ARAP2: variants seen among roughly 807,000 people sequenced by gnomAD.
ARAP2 encodes arf-GAP with Rho-GAP domain, ANK repeat and PH domain-containing protein 2.
In ARAP2, 148 loss-of-function variants were observed where a neutral mutation model predicts 194.5. The ratio of observed to expected loss-of-function variants is 0.76; its 90% confidence interval spans 0.67 to 0.87. ARAP2 has a LOEUF of 0.87. Ranked by LOEUF, ARAP2 falls within the 40% of genes least tolerant of loss-of-function variation. The probability of loss-of-function intolerance (pLI) is 0.00; values close to 1 mark genes in which losing one functional copy is unlikely to be tolerated. For synonymous variants in ARAP2, 695 were observed against 683.5 expected (o/e 1.02, Z -0.26); for missense variants, 2,128 against 1,989.7 (o/e 1.07, Z -1.32).
intron 3 of ARAP2, among the ~76,000 whole-genome samples, chr4:36,050,649 A>G (rs192029174): frequency 6.7e-4 from 102 of 152,292 alleles, no homozygotes; most frequent in African/African-American, 2.4e-3. Context: ...TTTCTAGAAG[A>G]TCACACAAAA....
chr4:36,014,329 A>AAG (rs1715330416), intron 8 of ARAP2, among the ~76,000 whole-genome samples: 1 of 41,460 alleles, frequency 2.4e-5, no homozygotes, highest in Non-Finnish European at 5.6e-5. Context: ...AAAGAGAGAA[A>AAG]GAAAGAAAGA....
At chr4:36,114,856 A>G (rs1720953921) in intron 25 of ARAP2, among the ~76,000 whole-genome samples, 1 of 152,006 alleles carries the variant, frequency 6.6e-6, no homozygotes, top group Admixed American at 6.6e-5. Flanking sequence ...GGTCGGTTCT[A>G]CGAAAGTCCC....
intron 3 of ARAP2, among the ~76,000 whole-genome samples, chr4:36,050,696 C>A (rs890082742): frequency 3.9e-5 from 6 of 152,138 alleles, no homozygotes; most frequent in Non-Finnish European, 7.4e-5. Context: ...AAGTGGAATA[C>A]CATAAAATGG....
chr4:36,210,293 G>C, intron 6 of ARAP2, 97 bp downstream of exon 6: 1 of 1,097,306 alleles, frequency 9.1e-7, no homozygotes, highest in Non-Finnish European at 1.3e-6. Flanking sequence ...TGTGTGTGGC[G>C]GTGGAGTGGG....
chr4:36,163,785 C>T (rs1424951398), intron 11 of ARAP2, among the ~76,000 whole-genome samples: 2 of 152,104 alleles, frequency 1.3e-5, no homozygotes, highest in African/African-American at 4.8e-5. Flanking sequence ...AAAAAAACAG[C>T]TGTGAACAGC....
chr4:36,164,951 G>A lies in ARAP2; in HGVS notation c.2136C>T (p.Ser712=), dbSNP rs1734931067. 2 of 1,613,942 alleles carry A rather than the reference G, an allele frequency of 1.2e-6. No homozygotes were observed. The highest frequency in any genetic ancestry group is 1.3e-5 in the African/African-American group (1 of 74,934). ...TACAGATGACAACACAGAGATTGATGGATGCCCAGTCAGGATCTGGGGCTT... is the reference window on the plus strand; with the variant it reads ...TACAGATGACAACACAGAGATTGATAGATGCCCAGTCAGGATCTGGGGCTT... The part of the protein sequence containing the change: ...DCKAPDPDWA[S]INLCVVICKK... Residue 712 remains serine (S), a synonymous_variant, in exon 11 of 33, where the codon TCC becomes TCT. Coordinates refer to ENST00000303965, the MANE Select transcript of ARAP2 (RefSeq NM_015230.4).
chr4:36,177,786 A>C (rs746999269), intron 9 of ARAP2, 41 bp downstream of exon 9: 17 of 1,507,760 alleles, frequency 1.1e-5, no homozygotes, highest in Non-Finnish European at 6.2e-6. Flanking sequence ...TGTTACTATA[A>C]TAAAATAGCA....
At chr4:36,161,311 T>C (rs1733892565) in intron 12 of ARAP2, among the ~76,000 whole-genome samples, 154 bp downstream of exon 12, 1 of 152,120 alleles carries the variant, frequency 6.6e-6, no homozygotes, top group Non-Finnish European at 1.5e-5. Flanking sequence ...GTTACTACTA[T>C]CAAAAAGGCT....
chr4:36,060,147 T>C lies in ARAP2; in HGVS notation n.148-2004A>G, dbSNP rs552504288. Among the ~76,000 whole-genome samples the C allele has an allele frequency of 4.5e-3, 687 of 152,276 alleles. 5 individuals carry two copies. Among genetic ancestry groups the C allele is most frequent in the African/African-American group, 0.016 (655 of 41,566 alleles). Reference sequence around the variant, plus strand: ...TTTGGGTCAGCTGGGTTGATTGAAGTGAGTTTGTGTGTCTCTGTAGTCTAG... The same window carrying C: ...TTTGGGTCAGCTGGGTTGATTGAAGCGAGTTTGTGTGTCTCTGTAGTCTAG... On this transcript the variant is annotated intron_variant and non_coding_transcript_variant, in intron 1 of 12. Coordinates refer to the ARAP2 transcript ENST00000503225.
chr4:36,104,088 G>A (rs1164473169), intron 27 of ARAP2, among the ~76,000 whole-genome samples: 1 of 151,842 alleles, frequency 6.6e-6, no homozygotes, highest in Non-Finnish European at 1.5e-5. Flanking sequence ...TATCTAATGT[G>A]GGGGTGTAAG....
Position 36,066,692 on chromosome 4 carries a change from T to C in ARAP2, c.*1215A>G, listed in dbSNP as rs1725536559. On this transcript the variant is annotated 3_prime_UTR_variant, in exon 33 of 33. Coordinates refer to ENST00000303965, the MANE Select transcript of ARAP2 (RefSeq NM_015230.4). ...AACTATGGTTAGATAGCATTGTCTGTCAGGAAATTCACCAATTCAGTAGCT... is the reference window on the plus strand; with the variant it reads ...AACTATGGTTAGATAGCATTGTCTGCCAGGAAATTCACCAATTCAGTAGCT... 6.6e-6 allele frequency: 1 copy of C among 152,114 alleles called. No individual in the cohort carries two copies. Among genetic ancestry groups the C allele is most frequent in the African/African-American group, 2.4e-5 (1 of 41,406 alleles). 9.4% of individuals were successfully genotyped at this position (152,114 alleles called of 1,614,324 possible).
chr4:36,241,395 C>A (rs1448560351), intron 1 of ARAP2, among the ~76,000 whole-genome samples: 1 of 152,102 alleles, frequency 6.6e-6, no homozygotes, highest in East Asian at 1.9e-4. Context: ...CCTTACTGGA[C>A]CATTTTTTAA....
intron 8 of ARAP2, among the ~76,000 whole-genome samples, chr4:36,014,305 G>T (rs200833399): frequency 2.1e-5 from 2 of 93,086 alleles, no homozygotes; most frequent in Non-Finnish European, 4.0e-5. Flanking sequence ...AAGAAGAGAA[G>T]GAAGGAAAGA....
intron 8 of ARAP2, among the ~76,000 whole-genome samples, chr4:36,183,082 G>A (rs538294609): frequency 2.0e-5 from 3 of 152,130 alleles, no homozygotes; most frequent in Admixed American, 6.5e-5. Context: ...AATACATTAC[G>A]TCAGAAACTT....
At chr4:36,038,451 C>A (rs765929047) in intron 5 of ARAP2, among the ~76,000 whole-genome samples, 57 of 152,178 alleles carry the variant, frequency 3.7e-4, no homozygotes, top group Non-Finnish European at 6.9e-4. Context: ...TCTGGAGTTA[C>A]TTCAGAATCT....
chr4:36,063,529 C>G (rs1474249194), downstream of ARAP2, among the ~76,000 whole-genome samples: 1 of 152,116 alleles, frequency 6.6e-6, no homozygotes, highest in Non-Finnish European at 1.5e-5. Context: ...CTCCAGCTGC[C>G]TCAAACTCTG....
intron 5 of ARAP2, among the ~76,000 whole-genome samples, chr4:36,020,240 G>A (rs1282441129): frequency 2.0e-5 from 3 of 152,102 alleles, no homozygotes; most frequent in East Asian, 1.9e-4. Flanking sequence ...GTGAAACCCC[G>A]CCTCTATTAA....
In ARAP2 at chr4:36,150,954, A is replaced by C. The variant is rs770622260; in HGVS notation, c.2843T>G (p.Ile948Ser). The change falls in exon 16 of 33, where the codon ATC (isoleucine) becomes AGC (serine). Residue 948 changes from isoleucine (I) to serine (S), a missense_variant. Coordinates refer to ENST00000303965, the MANE Select transcript of ARAP2 (RefSeq NM_015230.4). ...TATAGCCAGGCAGATAACTTCATTG[A>C]TATTAATGGTGCCATTAGGTGTGGT... is the stretch of plus-strand genomic sequence containing the variant. ...KSTTPNGTIN[I>S]NEVICLAIHK... 1 of 1,613,350 alleles carries C rather than the reference A, an allele frequency of 6.2e-7. No individual in the cohort carries two copies. The highest frequency in any genetic ancestry group is 1.1e-5 in the South Asian group (1 of 90,944).
chr4:36,127,922 G>A (rs1019104188), intron 21 of ARAP2, among the ~76,000 whole-genome samples: 4 of 151,880 alleles, frequency 2.6e-5, no homozygotes, highest in Admixed American at 6.6e-5. Context: ...AAAAGGACTT[G>A]TTTTAAATCA....
Sources: gnomAD v4.1 joint callset for allele counts (sites outside exome capture counted in the v4.1 genomes callset) on GRCh38, gnomAD v4.1.1 for gene constraint, MANE v1.5 for transcripts, NCBI Gene and HGNC (gene_info 2026-07-23, HGNC 2026-07-21) for gene names.